Variants in GPR39 observed in about 807,000 individuals in gnomAD.
The protein encoded by GPR39 is G protein-coupled receptor 39.
A neutral mutation model predicts 18.4 loss-of-function variants in GPR39; 23 were observed. The observed-to-expected ratio is 1.25, with a 90% CI of 0.90 to 1.77. The LOEUF is 1.77. GPR39 is among the 40% of genes most tolerant of loss of function. GPR39 has a pLI of 0.00. For synonymous variants in GPR39, 280 were observed against 257.9 expected (o/e 1.09, Z -0.82); for missense variants, 647 against 602.4 (o/e 1.07, Z -0.78).
intron 1 of GPR39, among the ~76,000 whole-genome samples, chr2:132,479,167 G>T (rs1681186043): frequency 6.6e-6 from 1 of 152,172 alleles, no homozygotes; most frequent in Non-Finnish European, 1.5e-5. Context: ...TTTATTAAAG[G>T]CCCGTGGTAT....
rs1418267597 is a variant in GPR39, at chr2:132,645,716, G to A, written c.*110G>A. The stretch of plus-strand genomic sequence containing the variant: ...CCCCATCAGGGATGGAATGGACACT[G>A]GAGGCTTTACAAAAGGCAGATGCCC... On this transcript the variant is annotated 3_prime_UTR_variant, in exon 2 of 2. Transcript: ENST00000329321. 1.4e-6 allele frequency: 2 copies of A among 1,431,010 alleles called. No homozygotes were observed. The highest frequency in any genetic ancestry group is 1.9e-6 in the Non-Finnish European group (2 of 1,069,116). 88.6% of individuals were successfully genotyped at this position (1,431,010 alleles called of 1,614,324 possible).
At chr2:132,493,498 T>C (rs1339862828) in intron 1 of GPR39, among the ~76,000 whole-genome samples, 1 of 88,842 alleles carries the variant, frequency 1.1e-5, no homozygotes, top group South Asian at 5.1e-4. Context: ...CATATATATA[T>C]ATACACCATA....
At chr2:132,547,034 T>A (rs192636347) in intron 1 of GPR39, among the ~76,000 whole-genome samples, 44 of 152,112 alleles carry the variant, frequency 2.9e-4, no homozygotes, top group African/African-American at 1.1e-3. Flanking sequence ...CAAGATGCTG[T>A]GTTTCCTATT....
chr2:132,539,466 G>T lies in GPR39; in HGVS notation c.857-105635G>T, dbSNP rs189104473. Among the ~76,000 whole-genome samples the T allele has an allele frequency of 7.2e-5, 11 of 152,286 alleles. No homozygotes were observed. In the East Asian group the frequency reaches 2.1e-3, roughly 29 times the overall value. ...TTCTGTGTTGGTCTTGCTGGGAGCA[G>T]CAGACTAGAGCTGCTTAGCTGTTTC... On this transcript the variant is annotated intron_variant, in intron 1 of 1. Coordinates refer to ENST00000329321, the MANE Select transcript of GPR39 (RefSeq NM_001508.3).
intron 1 of GPR39, among the ~76,000 whole-genome samples, chr2:132,480,583 A>G (rs746809594): frequency 6.6e-5 from 10 of 152,178 alleles, no homozygotes; most frequent in Non-Finnish European, 1.2e-4. Context: ...AGGAGTTCTC[A>G]AGATAGAATT....
Position 132,427,131 on chromosome 2 carries a change from CATATATAT to C in GPR39, c.856+9260_856+9267del, listed in dbSNP as rs199931479. On this transcript the variant is annotated intron_variant, in intron 1 of 1. Transcript: ENST00000329321. The stretch of plus-strand genomic sequence containing the variant: ...TATATATAATATACATATATAGGTA[CATATATAT>C]ATATATATATATATATATATATATA... Among the ~76,000 whole-genome samples the C allele has an allele frequency of 8.2e-4, 66 of 80,768 alleles. 1 individual carries two copies. The highest frequency in any genetic ancestry group is 7.3e-3 in the South Asian group (16 of 2,202). 53.0% of individuals were successfully genotyped at this position (80,768 alleles called of 152,430 possible). A position where few individuals can be genotyped will look rare whatever the true frequency, so the allele number is the denominator to read the frequency against.
intron 1 of GPR39, among the ~76,000 whole-genome samples, chr2:132,444,298 A>AT (rs532102745): frequency 0.033 from 4,852 of 148,790 alleles, 250 homozygotes; most frequent in African/African-American, 0.11. Flanking sequence ...CATTATGGGA[A>AT]TTTTTTTTTT....
chr2:132,444,473 G>A (rs1680499743), intron 1 of GPR39, among the ~76,000 whole-genome samples: 1 of 152,114 alleles, frequency 6.6e-6, no homozygotes, highest in Admixed American at 6.5e-5. Flanking sequence ...TTTTTGTAGA[G>A]ATGGGGTTCT....
chr2:132,625,588 G>A (rs959421602), intron 1 of GPR39, among the ~76,000 whole-genome samples: 3 of 152,102 alleles, frequency 2.0e-5, no homozygotes, highest in Admixed American at 6.6e-5. Context: ...CAGAAGGGGG[G>A]GAAATGCCAT....
At chr2:132,481,497 C>A (rs1681232952) in intron 1 of GPR39, among the ~76,000 whole-genome samples, 1 of 152,156 alleles carries the variant, frequency 6.6e-6, no homozygotes, top group African/African-American at 2.4e-5. Context: ...AGGCCAGGAT[C>A]TGGGATTGGA....
At chr2:132,638,518 G>A (rs998678836) in intron 1 of GPR39, among the ~76,000 whole-genome samples, 6 of 152,160 alleles carry the variant, frequency 3.9e-5, no homozygotes, top group Admixed American at 3.3e-4. Context: ...CCCAGGTGGC[G>A]CTGATGCTGC....
At chr2:132,470,095 C>T (rs969119326) in intron 1 of GPR39, among the ~76,000 whole-genome samples, 1 of 152,202 alleles carries the variant, frequency 6.6e-6, no homozygotes, top group Non-Finnish European at 1.5e-5. Flanking sequence ...CCCAACTGGG[C>T]AAGAGCTGTG....
At chr2:132,440,710 G>T (rs72883116) in intron 1 of GPR39, among the ~76,000 whole-genome samples, 1,694 of 152,222 alleles carry the variant, frequency 0.011, 21 homozygotes, top group South Asian at 0.02. Context: ...GTACTTTAGA[G>T]AATGTCCTAG....
intron 1 of GPR39, among the ~76,000 whole-genome samples, chr2:132,587,952 T>C (rs1342740107): frequency 6.6e-6 from 1 of 152,204 alleles, no homozygotes; most frequent in East Asian, 1.9e-4. Flanking sequence ...GAATAATGAA[T>C]GAAAACCAGC....
At chr2:132,608,751 G>T (rs1294542369) in intron 1 of GPR39, among the ~76,000 whole-genome samples, 2 of 152,152 alleles carry the variant, frequency 1.3e-5, no homozygotes, top group African/African-American at 4.8e-5. Context: ...AGCATCTGGG[G>T]TCAGCTCACC....
intron 1 of GPR39, among the ~76,000 whole-genome samples, chr2:132,469,128 G>T (rs10200811): frequency 0.45 from 68,998 of 152,048 alleles, 16,710 homozygotes; most frequent in Non-Finnish European, 0.54. Context: ...GCTTCATTCC[G>T]TTGTGTCTTT....
intron 1 of GPR39, among the ~76,000 whole-genome samples, chr2:132,572,548 A>AC (rs1236314569): frequency 3.3e-5 from 5 of 152,028 alleles, no homozygotes; most frequent in Admixed American, 2.0e-4. Context: ...AAAAAAAAAA[A>AC]AAAAACCTCA....
chr2:132,446,561 T>A (rs1272095885), intron 1 of GPR39, among the ~76,000 whole-genome samples: 1 of 152,210 alleles, frequency 6.6e-6, no homozygotes, highest in Non-Finnish European at 1.5e-5. Flanking sequence ...TTGGTGACGC[T>A]AGAATTCCTC....
At chr2:132,443,043 A>G (rs978271443) in intron 1 of GPR39, among the ~76,000 whole-genome samples, 5 of 152,238 alleles carry the variant, frequency 3.3e-5, no homozygotes, top group African/African-American at 1.2e-4. Flanking sequence ...GAATATATTC[A>G]GTATAGTTAA....
Sources: allele counts gnomAD v4.1 joint callset (sites outside exome capture counted in the v4.1 genomes callset), GRCh38; gene constraint gnomAD v4.1.1; transcripts MANE v1.5; gene names NCBI Gene and HGNC (gene_info 2026-07-23, HGNC 2026-07-21).